RUVBL1: variants seen among roughly 807,000 people sequenced by gnomAD.
RUVBL1 encodes the protein ruvB-like 1.
RUVBL1 carries 4 observed loss-of-function variants against 52.4 expected under a neutral mutation model. The ratio of observed to expected loss-of-function variants is 0.08; its 90% CI spans 0.04 to 0.17. The LOEUF (loss-of-function observed/expected upper bound fraction) is 0.17, where lower values mean the gene tolerates loss of function less well. Among genes scored for constraint, RUVBL1 ranks in the 10% least tolerant of loss-of-function variants. The pLI is 1.00. For synonymous variants in RUVBL1, 217 were observed against 214.4 expected, an observed-to-expected ratio of 1.01 and a Z score of -0.10; for missense variants, 298 against 572.8, an observed-to-expected ratio of 0.52 and a Z score of 4.90.
At chr3:128,135,465 G>C (rs771126511) in intron 1 of RUVBL1, among the ~76,000 whole-genome samples, 1 of 152,158 alleles carries the variant, frequency 6.6e-6, no homozygotes, top group Non-Finnish European at 1.5e-5. Context: ...CCCAGGAGGC[G>C]GAAGTTGTAG....
At chr3:128,078,745 T>G (rs978546168), downstream of RUVBL1, 12 of 152,366 alleles carry the variant, frequency 7.9e-5, no homozygotes, top group South Asian at 1.9e-3. Flanking sequence ...CCAGGGTCTG[T>G]TTCCCTCTTA....
intron 9 of RUVBL1, chr3:128,068,529 G>A (rs144785087): frequency 3.1e-5 from 5 of 162,966 alleles, no homozygotes; most frequent in Non-Finnish European, 6.7e-5. Flanking sequence ...GGAAGGGGTT[G>A]ATGTGCATCT....
chr3:128,104,867 G>A lies in RUVBL1; in HGVS notation c.419C>T (p.Pro140Leu), dbSNP rs1943187023. The change falls in exon 4 of 11, where the codon CCG (proline) becomes CTG (leucine). Residue 140 changes from proline (P) to leucine (L), a missense_variant. Physicochemically the swap from Pro to Leu is moderately conservative, Grantham distance 98 (BLOSUM62 -3). Transcript: ENST00000322623. ...TCCCATGGGATTCTCTGTCTCACAC[G>A]GAGTTAGCTCTGTGACTTCACCTTC... Reference protein sequence around the residue: ...VYEGEVTELTPCETENPMGGY... With the variant: ...VYEGEVTELTLCETENPMGGY... The A allele has an allele frequency of 6.2e-7, 1 of 1,613,384 alleles. No individual in the cohort carries two copies. Among genetic ancestry groups the A allele is most frequent in the Non-Finnish European group, 8.5e-7 (1 of 1,179,402 alleles).
Position 128,100,883 on chromosome 3 carries a change from C to G in RUVBL1, c.604-139G>C. Reference sequence around the variant, plus strand: ...CTTGACAAACTCCAAATATGCCCCACTCCCCTGCTGCCAAGAGAAGGGAGC... The same window carrying G: ...CTTGACAAACTCCAAATATGCCCCAGTCCCCTGCTGCCAAGAGAAGGGAGC... On this transcript the variant is annotated intron_variant, in intron 5 of 10. Coordinates refer to ENST00000322623, the MANE Select transcript of RUVBL1 (RefSeq NM_003707.3). The G allele has an allele frequency of 5.3e-6, 5 of 941,690 alleles. No individual in the cohort carries two copies. The South Asian group carries it at 8.0e-5, about 15-fold the overall frequency. 58.3% of individuals were successfully genotyped at this position (941,690 alleles called of 1,614,324 possible).
intron 9 of RUVBL1, chr3:128,068,529 GATGTGC>G (rs1363675790): frequency 6.1e-6 from 1 of 162,966 alleles, no homozygotes; most frequent in African/African-American, 2.4e-5. Context: ...GGAAGGGGTT[GATGTGC>G]ATCTGAAGCA....
chr3:128,074,446 G>A (rs1942250367), intron 9 of RUVBL1, among the ~76,000 whole-genome samples: 1 of 152,158 alleles, frequency 6.6e-6, no homozygotes, highest in Non-Finnish European at 1.5e-5. Context: ...AACTTTCTGG[G>A]CAATAGTAAT....
At chr3:128,127,916 G>C (rs999405695), upstream of RUVBL1, among the ~76,000 whole-genome samples, 2 of 152,128 alleles carry the variant, frequency 1.3e-5, no homozygotes, top group African/African-American at 2.4e-5. Context: ...AGAATTGCTT[G>C]AACCCAGAAG....
At chr3:128,110,785 T>C (rs1943369965) in intron 3 of RUVBL1, among the ~76,000 whole-genome samples, 1 of 152,166 alleles carries the variant, frequency 6.6e-6, no homozygotes, top group South Asian at 2.1e-4. Flanking sequence ...ATGAGCACTT[T>C]ATGACACTTC....
At chr3:128,110,915 T>C (rs1943375179) in intron 3 of RUVBL1, among the ~76,000 whole-genome samples, 1 of 152,012 alleles carries the variant, frequency 6.6e-6, no homozygotes, top group African/African-American at 2.4e-5. Context: ...TCATATTTTT[T>C]AGCTAAAGAC....
At chr3:128,073,529 A>G (rs372678685) in intron 9 of RUVBL1, among the ~76,000 whole-genome samples, 8 of 152,080 alleles carry the variant, frequency 5.3e-5, no homozygotes, top group Non-Finnish European at 7.4e-5. Flanking sequence ...AAAAGCCCCA[A>G]CCTGAGCTTC....
chr3:128,094,794 G>C (rs760979258), intron 8 of RUVBL1, among the ~76,000 whole-genome samples: 1 of 152,182 alleles, frequency 6.6e-6, no homozygotes, highest in Admixed American at 6.5e-5. Flanking sequence ...TGTGGTTCTG[G>C]GGGGTAAGGA....
At chr3:128,102,978 A>G (rs1943139120) in intron 4 of RUVBL1, among the ~76,000 whole-genome samples, 1 of 152,150 alleles carries the variant, frequency 6.6e-6, no homozygotes, top group Non-Finnish European at 1.5e-5. Flanking sequence ...GCCCCCAGGT[A>G]AGGCCTGGCA....
chr3:128,096,782 G>A (rs968511824), intron 8 of RUVBL1, among the ~76,000 whole-genome samples: 4 of 151,774 alleles, frequency 2.6e-5, no homozygotes, highest in African/African-American at 7.3e-5. Flanking sequence ...AGCCGAGATC[G>A]CGCCACTGCA....
exon 1 of RUVBL1, chr3:128,153,733 G>T (rs760525163): frequency 3.2e-5 from 49 of 1,551,444 alleles, no homozygotes; most frequent in Non-Finnish European, 4.0e-5. Flanking sequence ...GGCAGCGCCC[G>T]AGGCCGAGCC....
At chr3:128,113,365 C>G (rs1180536020) in intron 2 of RUVBL1, among the ~76,000 whole-genome samples, 4 of 152,150 alleles carry the variant, frequency 2.6e-5, no homozygotes, top group African/African-American at 4.8e-5. Context: ...AGTAATGCAA[C>G]GTAAGTACCA....
intron 8 of RUVBL1, among the ~76,000 whole-genome samples, chr3:128,096,122 C>T (rs1030495427): frequency 1.3e-5 from 2 of 152,188 alleles, no homozygotes; most frequent in Non-Finnish European, 2.9e-5. Flanking sequence ...CATGCAGCCT[C>T]AGGGACTTTG....
chr3:128,085,508 C>A (rs1196389588), intron 9 of RUVBL1, among the ~76,000 whole-genome samples: 1 of 152,242 alleles, frequency 6.6e-6, no homozygotes, highest in African/African-American at 2.4e-5. Context: ...CTGGCAGTCA[C>A]CCTTGCAAGT....
intron 5 of RUVBL1, among the ~76,000 whole-genome samples, 199 bp downstream of exon 5, chr3:128,101,360 G>C (rs1943104093): frequency 6.6e-6 from 1 of 152,150 alleles, no homozygotes; most frequent in Admixed American, 6.6e-5. Context: ...ATCGCGAGAA[G>C]GTTAAAGAAT....
At chr3:128,101,027 G>A (rs964309447) in intron 5 of RUVBL1, among the ~76,000 whole-genome samples, 2 of 152,190 alleles carry the variant, frequency 1.3e-5, no homozygotes, top group Non-Finnish European at 2.9e-5. Flanking sequence ...GCCAAATCCA[G>A]TAGATTAACT....
Sources: allele counts gnomAD v4.1 joint callset (sites outside exome capture counted in the v4.1 genomes callset), GRCh38; gene constraint gnomAD v4.1.1; transcripts MANE v1.5; gene names NCBI Gene and HGNC (gene_info 2026-07-23, HGNC 2026-07-21).